Variants in BRCA2 observed in about 807,000 individuals in gnomAD.
BRCA2 encodes breast cancer type 2 susceptibility protein.
Under a neutral mutation model 276.7 loss-of-function variants are expected in BRCA2, and 203 were observed. That is an observed-to-expected ratio of 0.73 (90% confidence interval 0.65 to 0.82). BRCA2 has a LOEUF of 0.82. Among genes scored for constraint, BRCA2 ranks in the 40% least tolerant of loss-of-function variants. The pLI is 0.00. For synonymous variants in BRCA2, 1,289 were observed against 1,338.4 expected, an observed-to-expected ratio of 0.96 and a Z score of 0.81; for missense variants, 3,920 against 3,915.0, an observed-to-expected ratio of 1.00 and a Z score of -0.03.
At chr13:32,372,306 C>G (rs535096437) in intron 20 of BRCA2, among the ~76,000 whole-genome samples, 37 of 152,294 alleles carry the variant, frequency 2.4e-4, no homozygotes, top group African/African-American at 8.9e-4. Flanking sequence ...CTTTGCTTAT[C>G]CATAAGAAGC....
intron 3 of BRCA2, among the ~76,000 whole-genome samples, chr13:32,320,462 T>C (rs1180771425): frequency 6.6e-6 from 1 of 152,200 alleles, no homozygotes; most frequent in Non-Finnish European, 1.5e-5. Flanking sequence ...ACCACAATGC[T>C]CTCTGGCTCT....
intron 14 of BRCA2, 69 bp downstream of exon 14, chr13:32,355,357 C>T (rs2137559510): frequency 6.5e-7 from 1 of 1,548,926 alleles, no homozygotes. Flanking sequence ...TAAATAATGT[C>T]CTGATGGTTT....
At position 32,330,953 on chromosome 13, in the gene BRCA2, G is replaced by A. The variant is rs2137461403; in HGVS notation, c.716G>A (p.Ser239Asn). ...AGCTATTTTTCCAATCATGATGAAAGTCTGAAGAAAAATGATAGATTTATC... is the reference window on the plus strand; with the variant it reads ...AGCTATTTTTCCAATCATGATGAAAATCTGAAGAAAAATGATAGATTTATC... ...VKSYFSNHDE[S>N]LKKNDRFIAS... Residue 239 changes from serine to asparagine, a missense_variant, in exon 9 of 27, where the codon AGT (serine) becomes AAT (asparagine). Physicochemically the swap from Ser to Asn is conservative, Grantham distance 46. Coordinates refer to ENST00000380152, the MANE Select transcript of BRCA2 (RefSeq NM_000059.4). 1 of 1,613,070 alleles carries A rather than the reference G, an allele frequency of 6.2e-7. No individual in the cohort carries two copies. Among genetic ancestry groups the A allele is most frequent in the South Asian group, 1.1e-5 (1 of 90,888 alleles).
In BRCA2 at chr13:32,356,491, G is replaced by C. The variant is rs80358976; in HGVS notation, c.7499G>C (p.Arg2500Thr). 5.0e-6 allele frequency: 8 copies of C among 1,614,190 alleles called. No individual in the cohort carries two copies. Among genetic ancestry groups the C allele is most frequent in the Non-Finnish European group, 6.8e-6 (8 of 1,180,000 alleles). Reference protein sequence around the residue: ...IQDMRIKKKQRQRVFPQPGSL... With the variant: ...IQDMRIKKKQTQRVFPQPGSL... ...GATATGCGAATTAAGAAGAAACAAA[G>C]GCAACGCGTCTTTCCACAGCCAGGC... The change falls in exon 15 of 27, where the codon AGG becomes ACG. Residue 2500 changes from arginine (R) to threonine (T), a missense_variant. This residue lies in a region of BRCA2 where 3,263 missense variants were observed against 3,156.9 expected (regional missense o/e 1.03). Transcript: ENST00000380152.
At chr13:32,378,878 G>A (rs962367534) in intron 21 of BRCA2, among the ~76,000 whole-genome samples, 1 of 152,082 alleles carries the variant, frequency 6.6e-6, no homozygotes, top group African/African-American at 2.4e-5. Context: ...GGGTTCTAGG[G>A]CCAACCTCTA....
At chr13:32,359,870 G>A (rs573243993) in intron 16 of BRCA2, among the ~76,000 whole-genome samples, 13 of 152,234 alleles carry the variant, frequency 8.5e-5, no homozygotes, top group African/African-American at 2.6e-4. Flanking sequence ...CTATGTGCCA[G>A]GTACTATTCT....
chr13:32,381,355 GA>G (rs1027760040), intron 24 of BRCA2, among the ~76,000 whole-genome samples: 1 of 151,760 alleles, frequency 6.6e-6, no homozygotes, highest in East Asian at 1.9e-4. Flanking sequence ...TTAGTGCTCA[GA>G]AAAAAAATTA....
chr13:32,339,498 TTGTA>T lies in BRCA2; in HGVS notation c.5146_5149del (p.Tyr1716LysfsTer8), dbSNP rs276174854. 1.3e-6 allele frequency: 2 copies of T among 1,583,620 alleles called. No individual in the cohort carries two copies. The highest frequency in any genetic ancestry group is 1.9e-5 in the Admixed American group (1 of 53,316). On this transcript the variant is annotated frameshift_variant, in exon 11 of 27. Coordinates refer to ENST00000380152, the MANE Select transcript of BRCA2 (RefSeq NM_000059.4). LOFTEE classifies it high-confidence loss of function. ...TACTGCAGATTATGTAGGAAATTAT[TTGTA>T]TGAAAATAATTCAAACAGTACTATA... is the stretch of plus-strand genomic sequence containing the variant.
chr13:32,379,567 C>A (rs1418125485), intron 22 of BRCA2, 52 bp downstream of exon 22: 2 of 1,579,716 alleles, frequency 1.3e-6, no homozygotes, highest in Non-Finnish European at 1.7e-6. Context: ...TAAAAAATGA[C>A]CTTACTAACA....
intron 24 of BRCA2, among the ~76,000 whole-genome samples, chr13:32,380,559 G>T (rs11147491): frequency 1.1e-5 from 1 of 87,204 alleles, no homozygotes; most frequent in African/African-American, 4.4e-5. Context: ...TTTTTTCCCC[G>T]AGATGGAGTC....
chr13:32,397,595 C>T (rs756881016), intron 26 of BRCA2, among the ~76,000 whole-genome samples: 2 of 151,956 alleles, frequency 1.3e-5, no homozygotes, highest in Non-Finnish European at 2.9e-5. Context: ...ACTGTTCTAA[C>T]AAAATGATGT....
chr13:32,347,518 C>T (rs2072620076), intron 13 of BRCA2, among the ~76,000 whole-genome samples: 1 of 152,138 alleles, frequency 6.6e-6, no homozygotes, highest in South Asian at 2.1e-4. Context: ...GGCGGTTATC[C>T]TTCTTCTGCC....
At chr13:32,330,855 G>A (rs2137460768) in intron 8 of BRCA2, 64 bp from the exon 9 acceptor site, 1 of 946,576 alleles carries the variant, frequency 1.1e-6, no homozygotes, top group Non-Finnish European at 1.7e-6. Flanking sequence ...GGATAAGGGG[G>A]GACTACTACT....
intron 20 of BRCA2, among the ~76,000 whole-genome samples, chr13:32,375,563 C>CTTT (rs398022219): frequency 3.5e-5 from 5 of 143,168 alleles, no homozygotes; most frequent in East Asian, 2.0e-4. Flanking sequence ...AGACATGTTT[C>CTTT]TTTTTTTTTT....
chr13:32,349,191 T>C (rs1381423252), intron 13 of BRCA2, among the ~76,000 whole-genome samples: 2 of 133,322 alleles, frequency 1.5e-5, no homozygotes, highest in African/African-American at 5.9e-5. Flanking sequence ...CACTTCAGCC[T>C]GGGTGACAGA....
At position 32,394,786 on chromosome 13, in the gene BRCA2, G is replaced by A. The variant is rs1555289559; in HGVS notation, c.9354G>A (p.Met3118Ile). The part of the protein sequence containing the change: ...DLNEDIIKPH[M>I]LIAASNLQWR... ...ATGAGGACATTATTAAGCCTCATAT[G>A]TTAATTGCTGCAAGCAACCTCCAGT... The change falls in exon 25 of 27, where the codon ATG (methionine) becomes ATA (isoleucine). Residue 3118 changes from methionine to isoleucine, a missense_variant. Transcript: ENST00000380152. 1.9e-6 allele frequency: 3 copies of A among 1,613,954 alleles called. No individual in the cohort carries two copies. Among genetic ancestry groups the A allele is most frequent in the Non-Finnish European group, 2.5e-6 (3 of 1,180,002 alleles).
At position 32,339,211 on chromosome 13, in the gene BRCA2, A is replaced by G. The variant is rs80358709; in HGVS notation, c.4856A>G (p.Asn1619Ser). The G allele has an allele frequency of 1.2e-6, 2 of 1,613,422 alleles. No individual in the cohort carries two copies. The highest frequency in any genetic ancestry group is 2.7e-5 in the African/African-American group (2 of 75,022). The change falls in exon 11 of 27, where the codon AAT (asparagine) becomes AGT (serine). Residue 1619 changes from asparagine (N) to serine (S), a missense_variant. This residue lies in a region of BRCA2 where 3,263 missense variants were observed against 3,156.9 expected (regional missense o/e 1.03). Coordinates refer to ENST00000380152, the MANE Select transcript of BRCA2 (RefSeq NM_000059.4). The part of the protein sequence containing the change: ...TVVPPKLLSD[N>S]LCRQTENLKT... Reference sequence around the variant, plus strand: ...GTGCCACCTAAGCTCTTAAGTGATAATTTATGTAGACAAACTGAAAATCTC... The same window carrying G: ...GTGCCACCTAAGCTCTTAAGTGATAGTTTATGTAGACAAACTGAAAATCTC...
chr13:32,369,537 A>T (rs972523346), intron 18 of BRCA2, among the ~76,000 whole-genome samples: 7 of 152,160 alleles, frequency 4.6e-5, no homozygotes, highest in Non-Finnish European at 1.0e-4. Flanking sequence ...GTTGTCTGTA[A>T]AATGGAGATG....
At chr13:32,397,403 C>T (rs1235942494) in intron 26 of BRCA2, among the ~76,000 whole-genome samples, 1 of 152,192 alleles carries the variant, frequency 6.6e-6, no homozygotes, top group Non-Finnish European at 1.5e-5. Flanking sequence ...AAGTCTTTAA[C>T]ATTGGCTAAT....
Sources: gnomAD v4.1 joint callset for allele counts (sites outside exome capture counted in the v4.1 genomes callset) on GRCh38, gnomAD v4.1.1 for gene constraint, gnomAD v4.1.1 regional missense constraint, MANE v1.5 for transcripts, NCBI Gene and HGNC (gene_info 2026-07-23, HGNC 2026-07-21) for gene names.